PTPRJ: variants seen among roughly 807,000 people sequenced by gnomAD.
PTPRJ encodes the protein receptor-type tyrosine-protein phosphatase eta.
PTPRJ carries 129 observed loss-of-function variants against 141.3 expected under a neutral mutation model. The observed-to-expected ratio is 0.91, with a 90% CI of 0.79 to 1.06. The LOEUF (loss-of-function observed/expected upper bound fraction) is 1.06. PTPRJ is among the 50% of genes least tolerant of loss of function. PTPRJ has a pLI of 0.00. For missense variants in PTPRJ, 1,601 were observed against 1,679.7 expected (o/e 0.95, Z 0.82); for synonymous variants, 610 against 640.5 (o/e 0.95, Z 0.72).
At chr11:48,072,967 G>T (rs4298856) in intron 1 of PTPRJ, among the ~76,000 whole-genome samples, 84,196 of 152,116 alleles carry the variant, frequency 0.55, 27,927 homozygotes, top group East Asian at 0.8. Flanking sequence ...AGTATAAATG[G>T]CTTGTGGCTA....
At chr11:48,086,116 T>G (rs958585833) in intron 1 of PTPRJ, among the ~76,000 whole-genome samples, 4 of 152,104 alleles carry the variant, frequency 2.6e-5, no homozygotes, top group African/African-American at 9.7e-5. Flanking sequence ...AGAGAAAAGG[T>G]GACATGTAAA....
intron 1 of PTPRJ, among the ~76,000 whole-genome samples, chr11:48,052,572 A>C (rs1854602163): frequency 6.6e-6 from 1 of 152,158 alleles, no homozygotes; most frequent in African/African-American, 2.4e-5. Context: ...CTCTGAAGCC[A>C]GGCGAGACCA....
At chr11:48,085,564 C>G (rs541849622) in intron 1 of PTPRJ, among the ~76,000 whole-genome samples, 3 of 152,152 alleles carry the variant, frequency 2.0e-5, no homozygotes, top group Non-Finnish European at 2.9e-5. Context: ...AGGCTGGTCT[C>G]GAACTCCTGA....
chr11:48,041,058 CTT>C (rs1449701543), intron 1 of PTPRJ, among the ~76,000 whole-genome samples: 2 of 152,126 alleles, frequency 1.3e-5, no homozygotes, highest in Non-Finnish European at 2.9e-5. Flanking sequence ...CTGTTGGCCA[CTT>C]TTGGAAATTC....
intron 21 of PTPRJ, among the ~76,000 whole-genome samples, chr11:48,159,123 G>GGGTGTGGTGTC (rs1555058316): frequency 1.4e-5 from 2 of 139,468 alleles, no homozygotes; most frequent in Non-Finnish European, 3.1e-5. Context: ...TGTATGTGGG[G>GGGTGTGGTGTC]TGTGTGTGTG....
chr11:48,109,961 C>T (rs1856397135), intron 1 of PTPRJ, 97 bp from the exon 2 acceptor site: 5 of 1,380,344 alleles, frequency 3.6e-6, no homozygotes, highest in Non-Finnish European at 5.2e-6. Context: ...TCTTACCACC[C>T]CACCCCCATT....
At position 48,121,144 on chromosome 11, in the gene PTPRJ, T is replaced by A; in HGVS notation, c.494T>A (p.Val165Asp). ...HKMENEKTIT[V>D]VHQPWCNITG... ...ATGGAAAATGAGAAGACAATTACTG[T>A]TGTGCATCAACCATGGTGTAACATC... Residue 165 changes from valine (V) to aspartate (D), a missense_variant, in exon 4 of 25, where the codon GTT (valine) becomes GAT (aspartate). Val to Asp is a radical substitution (Grantham distance 152). Transcript: ENST00000418331. 23 of 1,614,206 alleles carry A rather than the reference T, an allele frequency of 1.4e-5. No homozygotes were observed. The highest frequency in any genetic ancestry group is 1.9e-5 in the Non-Finnish European group (23 of 1,180,016).
intron 24 of PTPRJ, among the ~76,000 whole-genome samples, chr11:48,164,942 G>T (rs993608647): frequency 6.6e-5 from 10 of 152,076 alleles, no homozygotes; most frequent in Admixed American, 6.6e-4. Context: ...GATCTTTCCA[G>T]CTCTTGGCTG....
At chr11:48,166,075 G>A (rs946735037) in intron 24 of PTPRJ, among the ~76,000 whole-genome samples, 3 of 151,678 alleles carry the variant, frequency 2.0e-5, no homozygotes, top group African/African-American at 7.3e-5. Flanking sequence ...ATGTTGGCCA[G>A]GATGGTCTCG....
chr11:48,119,700 G>A (rs4752808), intron 3 of PTPRJ, among the ~76,000 whole-genome samples: 101,775 of 152,124 alleles, frequency 0.67, 35,669 homozygotes, highest in East Asian at 0.81. Context: ...CAGTGTGCCT[G>A]GCTTCCTGCA....
At chr11:48,132,265 G>C (rs1856998225) in intron 8 of PTPRJ, 1 of 985,120 alleles carries the variant, frequency 1.0e-6, no homozygotes, top group Admixed American at 6.2e-5. Flanking sequence ...GTCAGCTACG[G>C]TGGCCTGCAC....
rs749392339 is a variant in PTPRJ, at chr11:48,127,742, C to T, written c.1094-38C>T. ...GACCTCTCCCTCCCTCTGCCTTGGC[C>T]GTTCTGGTTATTTTGAACTCCTCTT... On this transcript the variant is annotated intron_variant, in intron 6 of 24. Coordinates refer to ENST00000418331, the MANE Select transcript of PTPRJ (RefSeq NM_002843.4). 108 of 1,601,904 alleles carry T rather than the reference C, an allele frequency of 6.7e-5. No homozygotes were observed. In the Admixed American group the frequency reaches 1.6e-3, roughly 23 times the overall value.
At chr11:47,981,848 C>A (rs1853917634) in intron 1 of PTPRJ, among the ~76,000 whole-genome samples, 1 of 152,220 alleles carries the variant, frequency 6.6e-6, no homozygotes, top group African/African-American at 2.4e-5. Flanking sequence ...AATAGCGGAG[C>A]ACCCAGCCCG....
rs541119151 is a variant in PTPRJ at position 48,125,365 on chromosome 11, A to C, written c.1093+179A>C. On this transcript the variant is annotated intron_variant, in intron 6 of 24. Transcript: ENST00000418331. ...TCAGTTTCTTCTTAACTCCATGGGC[A>C]GTGCACATCTCTCATTAAGTGAAAT... is the stretch of plus-strand genomic sequence containing the variant. 1.3e-3 allele frequency among the ~76,000 whole-genome samples: 193 copies of C among 152,196 alleles called. 1 individual carries two copies. The highest frequency in any genetic ancestry group is 4.2e-3 in the Admixed American group (64 of 15,298).
chr11:48,101,732 T>G (rs1256761109), intron 1 of PTPRJ, among the ~76,000 whole-genome samples: 3 of 152,202 alleles, frequency 2.0e-5, no homozygotes, highest in African/African-American at 7.2e-5. Context: ...GCCTGTTAGC[T>G]GTTTTTATCC....
intron 6 of PTPRJ, among the ~76,000 whole-genome samples, chr11:48,126,471 T>A (rs1856832951): frequency 6.6e-6 from 1 of 152,040 alleles, no homozygotes; most frequent in African/African-American, 2.4e-5. Flanking sequence ...GCGTAAACAA[T>A]GAACATTTAT....
At chr11:47,995,858 T>C (rs1854321178) in intron 1 of PTPRJ, among the ~76,000 whole-genome samples, 2 of 151,576 alleles carry the variant, frequency 1.3e-5, no homozygotes, top group South Asian at 2.1e-4. Flanking sequence ...ACCAACATGG[T>C]GAAACCCTGT....
chr11:48,015,483 C>T (rs145981308), intron 1 of PTPRJ, among the ~76,000 whole-genome samples: 1 of 152,100 alleles, frequency 6.6e-6, no homozygotes, highest in Non-Finnish European at 1.5e-5. Context: ...TTTTGCCTTG[C>T]CTGGTTCTCT....
chr11:48,002,138 T>A (rs1298947280), intron 1 of PTPRJ, among the ~76,000 whole-genome samples: 2 of 60,498 alleles, frequency 3.3e-5, no homozygotes, highest in African/African-American at 6.0e-4. Context: ...CTATTTAAAT[T>A]TTTTTTTTTT....
Sources: gnomAD v4.1 joint callset for allele counts (sites outside exome capture counted in the v4.1 genomes callset) on GRCh38, gnomAD v4.1.1 for gene constraint, MANE v1.5 for transcripts, NCBI Gene and HGNC (gene_info 2026-07-23, HGNC 2026-07-21) for gene names.